PARD3B: variants seen among roughly 807,000 people sequenced by gnomAD.
The protein encoded by PARD3B is par-3 family cell polarity regulator beta, also known as partitioning defective 3 homolog B.
In PARD3B, 103 loss-of-function variants were observed where a neutral mutation model predicts 130.2. The observed-to-expected ratio is 0.79, with a 90% CI of 0.67 to 0.93. The LOEUF (loss-of-function observed/expected upper bound fraction) is 0.93, where lower values mean the gene tolerates loss of function less well. Ranked by LOEUF, PARD3B falls within the 40% of genes least tolerant of loss-of-function variation. The probability of loss-of-function intolerance (pLI) is 0.00; values close to 1 mark genes in which losing one functional copy is unlikely to be tolerated. For missense variants in PARD3B, 1,609 were observed against 1,499.2 expected, an observed-to-expected ratio of 1.07 and a Z score of -1.21; for synonymous variants, 583 against 553.2, an observed-to-expected ratio of 1.05 and a Z score of -0.76.
chr2:204,853,371 GT>G (rs2044788150), intron 2 of PARD3B, among the ~76,000 whole-genome samples: 1 of 152,172 alleles, frequency 6.6e-6, no homozygotes, highest in Non-Finnish European at 1.5e-5. Flanking sequence ...TTGAATAACA[GT>G]TTTTTAGTGC....
chr2:204,697,387 T>C (rs1227327548), intron 2 of PARD3B, among the ~76,000 whole-genome samples: 1 of 152,134 alleles, frequency 6.6e-6, no homozygotes, highest in African/African-American at 2.4e-5. Context: ...AGAAAAGGTA[T>C]AAATTCATTC....
intron 3 of PARD3B, among the ~76,000 whole-genome samples, chr2:205,033,741 A>G (rs1404530463): frequency 6.6e-6 from 1 of 152,210 alleles, no homozygotes; most frequent in Non-Finnish European, 1.5e-5. Flanking sequence ...GAACTCAACT[A>G]TTATCCCTTT....
chr2:205,344,235 C>A (rs1400101744), intron 18 of PARD3B, among the ~76,000 whole-genome samples: 1 of 124,118 alleles, frequency 8.1e-6, no homozygotes, highest in Non-Finnish European at 1.8e-5. Context: ...TGTTGTAACA[C>A]AGAGTACGCC....
intron 2 of PARD3B, among the ~76,000 whole-genome samples, chr2:204,820,028 C>G (rs1023421802): frequency 3.4e-5 from 5 of 147,018 alleles, no homozygotes; most frequent in African/African-American, 7.7e-5. Flanking sequence ...TCTGCAAGAT[C>G]TACCTAAAAT....
At chr2:204,744,167 A>G (rs780250809) in intron 2 of PARD3B, among the ~76,000 whole-genome samples, 1 of 152,176 alleles carries the variant, frequency 6.6e-6, no homozygotes, top group African/African-American at 2.4e-5. Context: ...ACATTTCATG[A>G]TTAAGCCTGA....
At chr2:205,379,911 T>G (rs568516533) in intron 18 of PARD3B, among the ~76,000 whole-genome samples, 1 of 150,772 alleles carries the variant, frequency 6.6e-6, no homozygotes, top group African/African-American at 2.4e-5. Flanking sequence ...CTACTAAAAA[T>G]ATAAAAATTA....
At chr2:204,916,997 C>T (rs2047470836) in intron 2 of PARD3B, among the ~76,000 whole-genome samples, 1 of 152,136 alleles carries the variant, frequency 6.6e-6, no homozygotes, top group Non-Finnish European at 1.5e-5. Context: ...TTAGTGAAGG[C>T]AGCCCACCTT....
At chr2:205,331,560 T>A (rs189962316) in intron 18 of PARD3B, among the ~76,000 whole-genome samples, 2 of 151,884 alleles carry the variant, frequency 1.3e-5, no homozygotes, top group Non-Finnish European at 2.9e-5. Context: ...GGCGGGTGGA[T>A]CACCTGAGGT....
chr2:205,195,635 A>G (rs1386913129), intron 15 of PARD3B, among the ~76,000 whole-genome samples: 1 of 152,228 alleles, frequency 6.6e-6, no homozygotes, highest in Non-Finnish European at 1.5e-5. Flanking sequence ...CACTAGGCCA[A>G]TGTAAGAGAT....
chr2:205,194,302 G>A (rs930198845), intron 15 of PARD3B, among the ~76,000 whole-genome samples: 2 of 152,178 alleles, frequency 1.3e-5, no homozygotes, highest in African/African-American at 2.4e-5. Context: ...GATGAAACAA[G>A]AGAAATTGAT....
At chr2:205,055,306 A>G (rs1699564138) in intron 4 of PARD3B, among the ~76,000 whole-genome samples, 1 of 152,158 alleles carries the variant, frequency 6.6e-6, no homozygotes, top group Non-Finnish European at 1.5e-5. Flanking sequence ...CTCCTAGTCC[A>G]TCTCCCTTAA....
At chr2:205,316,895 C>T (rs1206301431) in intron 18 of PARD3B, among the ~76,000 whole-genome samples, 1 of 152,112 alleles carries the variant, frequency 6.6e-6, no homozygotes, top group Non-Finnish European at 1.5e-5. Flanking sequence ...TGAAACTAAT[C>T]TTTTATTTTT....
chr2:204,941,430 A>C (rs539669985), intron 2 of PARD3B, among the ~76,000 whole-genome samples: 2 of 152,240 alleles, frequency 1.3e-5, no homozygotes, highest in African/African-American at 4.8e-5. Context: ...CCCTGATAAC[A>C]TAATTAACAA....
chr2:205,287,965 C>G lies in PARD3B; in HGVS notation c.2186-12565C>G, dbSNP rs115159137. Among the ~76,000 whole-genome samples, 1,178 of 152,286 alleles carry G rather than the reference C, an allele frequency of 7.7e-3. 21 individuals carry two copies. Among genetic ancestry groups the G allele is most frequent in the African/African-American group, 0.026 (1,101 of 41,564 alleles). ...TTCCTCAGGCTGAGTTACTGGGAAACTCCAGTATGCTGTCAGATTTCACAA... is the reference window on the plus strand; with the variant it reads ...TTCCTCAGGCTGAGTTACTGGGAAAGTCCAGTATGCTGTCAGATTTCACAA... On this transcript the variant is annotated intron_variant, in intron 16 of 22. Coordinates refer to ENST00000406610, the MANE Select transcript of PARD3B (RefSeq NM_001302769.2). This position sits in a 1 kb window ranked among gnomAD's most constrained non-coding sequence, Gnocchi z 4.8.
chr2:205,180,374 G>T (rs1196413023), intron 13 of PARD3B, among the ~76,000 whole-genome samples: 2 of 151,918 alleles, frequency 1.3e-5, no homozygotes, highest in Non-Finnish European at 2.9e-5. Flanking sequence ...TCACGTCTTT[G>T]TAATATTAAT....
chr2:205,114,714 C>A (rs377487903), intron 6 of PARD3B, among the ~76,000 whole-genome samples: 11 of 150,918 alleles, frequency 7.3e-5, no homozygotes, highest in African/African-American at 2.7e-4. Context: ...TCATATTCAG[C>A]AGGTAGCCAT....
chr2:205,479,545 A>AAG (rs2049149209), intron 20 of PARD3B, among the ~76,000 whole-genome samples: 1 of 151,850 alleles, frequency 6.6e-6, no homozygotes, highest in African/African-American at 2.4e-5. Flanking sequence ...TTCCTCCAGG[A>AAG]AGGGTTCATG....
At chr2:204,919,362 A>T (rs1402067917) in intron 2 of PARD3B, among the ~76,000 whole-genome samples, 1 of 152,230 alleles carries the variant, frequency 6.6e-6, no homozygotes, top group Non-Finnish European at 1.5e-5. Context: ...GATATGAAAC[A>T]CTGCAACCAC....
At chr2:204,656,770 C>G (rs1204201618) in intron 1 of PARD3B, among the ~76,000 whole-genome samples, 1 of 152,204 alleles carries the variant, frequency 6.6e-6, no homozygotes, top group Admixed American at 6.5e-5. Flanking sequence ...GTGGGCTCAT[C>G]AGAAAGACTT....
Sources: allele counts gnomAD v4.1 joint callset (sites outside exome capture counted in the v4.1 genomes callset), GRCh38; gene constraint gnomAD v4.1.1; non-coding constraint Gnocchi (gnomAD v3.1); transcripts MANE v1.5; gene names NCBI Gene and HGNC (gene_info 2026-07-23, HGNC 2026-07-21).